MRPL19: variants seen among roughly 807,000 people sequenced by gnomAD.
The protein encoded by MRPL19 is mitochondrial ribosomal protein L19.
In MRPL19, 31 loss-of-function variants were observed where a neutral mutation model predicts 34.0. That is an observed-to-expected ratio of 0.91 (90% CI 0.68 to 1.23). MRPL19 has a LOEUF of 1.23. Ranked by LOEUF, MRPL19 falls within the 50% of genes most tolerant of loss-of-function variation. MRPL19 has a pLI of 0.00. For synonymous variants in MRPL19, 152 were observed against 127.7 expected, an observed-to-expected ratio of 1.19 and a Z score of -1.28; for missense variants, 384 against 367.6, an observed-to-expected ratio of 1.04 and a Z score of -0.37.
In MRPL19 at chr2:75,654,903, G is replaced by C. The variant is rs1678408276; in HGVS notation, c.643G>C (p.Val215Leu). Residue 215 changes from valine to leucine, a missense_variant, in exon 5 of 6, where the codon GTT (valine) becomes CTT (leucine). Transcript: ENST00000393909. ...KPVVQEPNQK[V>L]PVNELKVKMK... ...AGTAGTACAAGAGCCTAACCAAAAAGTTCCTGTTAATGAGGTATGGGTTAT... is the reference window on the plus strand; with the variant it reads ...AGTAGTACAAGAGCCTAACCAAAAACTTCCTGTTAATGAGGTATGGGTTAT... 1 of 1,613,050 alleles carries C rather than the reference G, an allele frequency of 6.2e-7. No homozygotes were observed. Among genetic ancestry groups the C allele is most frequent in the Non-Finnish European group, 8.5e-7 (1 of 1,179,588 alleles).
At chr2:75,647,076 C>A in intron 1 of MRPL19, 26 bp from the exon 2 acceptor site, 1 of 1,562,452 alleles carries the variant, frequency 6.4e-7, no homozygotes, top group Non-Finnish European at 8.7e-7. Context: ...CACGAGAGTT[C>A]TGACCTCCGT....
chr2:75,656,935 T>G lies in MRPL19; in HGVS notation c.*1650T>G, dbSNP rs1678468029. On this transcript the variant is annotated 3_prime_UTR_variant, in exon 6 of 6. Coordinates refer to ENST00000393909, the MANE Select transcript of MRPL19 (RefSeq NM_014763.4). ...CTCCCTTGACCCCAGTCTCTGTTTT[T>G]TAGCTCTTTAGCTCAATCTTCCAAC... is the stretch of plus-strand genomic sequence containing the variant. 6.6e-6 allele frequency: 1 copy of G among 152,166 alleles called. No individual in the cohort carries two copies. Among genetic ancestry groups the G allele is most frequent in the South Asian group, 2.1e-4 (1 of 4,834 alleles). 9.4% of individuals were successfully genotyped at this position (152,166 alleles called of 1,614,324 possible). A position where few individuals can be genotyped will look rare whatever the true frequency, so the allele number is the denominator to read the frequency against.
At chr2:75,654,694 C>T (rs755014459) in intron 4 of MRPL19, 42 bp from the exon 5 acceptor site, 55 of 1,583,010 alleles carry the variant, frequency 3.5e-5, no homozygotes, top group Non-Finnish European at 4.3e-5. Context: ...TGTATAGGAA[C>T]GTGGACTTAG....
At chr2:75,651,884 CA>C (rs1220130831) in intron 2 of MRPL19, 3 of 262,820 alleles carry the variant, frequency 1.1e-5, no homozygotes, top group Non-Finnish European at 2.2e-5. Context: ...GAGATGACAC[CA>C]AACCCACATG....
chr2:75,655,239 T>C lies in MRPL19; in HGVS notation c.833T>C (p.Ile278Thr), dbSNP rs1301279008. The C allele has an allele frequency of 1.2e-5, 20 of 1,613,330 alleles. No individual in the cohort carries two copies. In the East Asian group the frequency reaches 3.8e-4, roughly 31 times the overall value. ...ATGAGGGAATATGATACTTCAAAAA[T>C]TGAAGCTGCAATATGGAAGGAAATT... ...DMMREYDTSK[I>T]EAAIWKEIEA... The change falls in exon 6 of 6, where the codon ATT (isoleucine) becomes ACT (threonine). Residue 278 changes from isoleucine to threonine, a missense_variant. Coordinates refer to ENST00000393909, the MANE Select transcript of MRPL19 (RefSeq NM_014763.4).
rs1678572513 is a variant in MRPL19 at position 75,660,107 on chromosome 2, G to A, written c.*4822G>A. Among the ~76,000 whole-genome samples, 1 of 151,300 alleles carries A rather than the reference G, an allele frequency of 6.6e-6. No homozygotes were observed. The highest frequency in any genetic ancestry group is 1.5e-5 in the Non-Finnish European group (1 of 67,888). On this transcript the variant is annotated 3_prime_UTR_variant, in exon 6 of 6. Transcript: ENST00000393909. ...TCTTTTTATTTTTTTCAAGTTTGTT[G>A]ATTCTTCTCCCTGTTCAGATCAACT...
rs1224166598 is a variant in MRPL19 at position 75,656,237 on chromosome 2, A to G, written c.*952A>G. ...TATGAGTGTTGTTGCTGATCCATGC[A>G]GCATGGATTGGAAAGCTGGGGTATA... On this transcript the variant is annotated 3_prime_UTR_variant, in exon 6 of 6. Coordinates refer to ENST00000393909, the MANE Select transcript of MRPL19 (RefSeq NM_014763.4). 1.3e-5 allele frequency: 2 copies of G among 152,238 alleles called. No individual in the cohort carries two copies. The highest frequency in any genetic ancestry group is 4.8e-5 in the African/African-American group (2 of 41,450). 9.4% of individuals were successfully genotyped at this position (152,238 alleles called of 1,614,324 possible).
At chr2:75,649,098 C>T (rs1178398430) in intron 2 of MRPL19, among the ~76,000 whole-genome samples, 1 of 152,144 alleles carries the variant, frequency 6.6e-6, no homozygotes, top group Non-Finnish European at 1.5e-5. Context: ...TAACCTTAGT[C>T]TAGGCATGTG....
In MRPL19 at chr2:75,658,588, G is replaced by A. The variant is rs980546158; in HGVS notation, c.*3303G>A. On this transcript the variant is annotated 3_prime_UTR_variant, in exon 6 of 6. Transcript: ENST00000393909. ...ATTTCTTCTTCGATCCCCTGGTTGA[G>A]TGTGTTAATTTCTACATGTTTATGA... 6.6e-6 allele frequency among the ~76,000 whole-genome samples: 1 copy of A among 152,088 alleles called. No individual in the cohort carries two copies. Among genetic ancestry groups the A allele is most frequent in the Non-Finnish European group, 1.5e-5 (1 of 67,994 alleles).
chr2:75,647,210 C>A lies in MRPL19; in HGVS notation c.212C>A (p.Pro71Gln). The A allele has an allele frequency of 6.3e-7, 1 of 1,580,626 alleles. No individual in the cohort carries two copies. The highest frequency in any genetic ancestry group is 1.8e-5 in the Admixed American group (1 of 55,656). ...GTGGACAAGCACCGCCCCGTGGAAC[C>A]GGAACGCAGGTGAGGCACTGCCCTG... ...VIVDKHRPVEPERRFLSPEFI... is the reference protein window; with the variant it reads ...VIVDKHRPVEQERRFLSPEFI... The change falls in exon 2 of 6, where the codon CCG (proline) becomes CAG (glutamine). Residue 71 changes from proline to glutamine, a missense_variant. Transcript: ENST00000393909.
intron 4 of MRPL19, among the ~76,000 whole-genome samples, chr2:75,654,498 A>AT (rs996641150): frequency 1.3e-5 from 2 of 152,092 alleles, no homozygotes; most frequent in Admixed American, 6.5e-5. Context: ...TCTAGAAGCC[A>AT]TTTTTTTCTT....
rs548156468 is a variant in MRPL19, at chr2:75,656,278, G to C, written c.*993G>C. ...CTGGGGTATAAGCACACATGCTAAA[G>C]AAAAACATGTAATTTGGTCCATACT... On this transcript the variant is annotated 3_prime_UTR_variant, in exon 6 of 6. Coordinates refer to ENST00000393909, the MANE Select transcript of MRPL19 (RefSeq NM_014763.4). 1 of 152,232 alleles carries C rather than the reference G, an allele frequency of 6.6e-6. No homozygotes were observed. Among genetic ancestry groups the C allele is most frequent in the Admixed American group, 6.5e-5 (1 of 15,272 alleles). The allele number at this position is 152,232 out of a possible 1,614,324, so 9.4% of individuals were successfully genotyped here.
In MRPL19 at chr2:75,660,233, T is replaced by A. The variant is rs1678575851; in HGVS notation, c.*4948T>A. On this transcript the variant is annotated 3_prime_UTR_variant, in exon 6 of 6. Coordinates refer to ENST00000393909, the MANE Select transcript of MRPL19 (RefSeq NM_014763.4). Reference sequence around the variant, plus strand: ...AACGTCTGTGTCTTTATTGATATTCTCATTTTGTTCATATGTCTCTTTCTT... The same window carrying A: ...AACGTCTGTGTCTTTATTGATATTCACATTTTGTTCATATGTCTCTTTCTT... Among the ~76,000 whole-genome samples the A allele has an allele frequency of 6.6e-6, 1 of 152,204 alleles. No homozygotes were observed. Among genetic ancestry groups the A allele is most frequent in the Non-Finnish European group, 1.5e-5 (1 of 68,032 alleles).
At chr2:75,648,851 A>G (rs566310914) in intron 2 of MRPL19, among the ~76,000 whole-genome samples, 5 of 152,342 alleles carry the variant, frequency 3.3e-5, no homozygotes, top group East Asian at 1.9e-4. Flanking sequence ...CCTGGGCGAT[A>G]GAGCAAGACT....
At position 75,655,153 on chromosome 2, in the gene MRPL19, A is replaced by T; in HGVS notation, c.747A>T (p.Leu249Phe). ...NIKGIRFDLCLTEQQMKEAQK... is the reference protein window; with the variant it reads ...NIKGIRFDLCFTEQQMKEAQK... ...AAGGAATCAGATTTGATCTTTGTTT[A>T]ACTGAACAGCAAATGAAAGAAGCTC... Residue 249 changes from leucine (L) to phenylalanine (F), a missense_variant, in exon 6 of 6, where the codon TTA (leucine) becomes TTT (phenylalanine). Physicochemically the swap from Leu to Phe is conservative, Grantham distance 22. Coordinates refer to ENST00000393909, the MANE Select transcript of MRPL19 (RefSeq NM_014763.4). 6.2e-7 allele frequency: 1 copy of T among 1,612,666 alleles called. No homozygotes were observed. Among genetic ancestry groups the T allele is most frequent in the South Asian group, 1.1e-5 (1 of 91,050 alleles).
At chr2:75,649,255 C>T (rs1421405575) in intron 2 of MRPL19, among the ~76,000 whole-genome samples, 1 of 152,132 alleles carries the variant, frequency 6.6e-6, no homozygotes, top group Non-Finnish European at 1.5e-5. Context: ...TTGAATTGGG[C>T]AACGAATAGA....
At chr2:75,653,353 G>C (rs970812762) in intron 4 of MRPL19, among the ~76,000 whole-genome samples, 2 of 152,220 alleles carry the variant, frequency 1.3e-5, no homozygotes, top group African/African-American at 4.8e-5. Flanking sequence ...GGACTTAATT[G>C]ATTTGTGCCT....
At chr2:75,649,124 C>T (rs563029827) in intron 2 of MRPL19, among the ~76,000 whole-genome samples, 1 of 152,058 alleles carries the variant, frequency 6.6e-6, no homozygotes, top group African/African-American at 2.4e-5. Flanking sequence ...AATCCAGAAT[C>T]CAGAGATGAG....
chr2:75,647,185 G>A lies in MRPL19; in HGVS notation c.187G>A (p.Val63Met). Residue 63 changes from valine to methionine, a missense_variant, in exon 2 of 6, where the codon GTG becomes ATG. Val to Met is a conservative substitution (Grantham distance 21). Coordinates refer to ENST00000393909, the MANE Select transcript of MRPL19 (RefSeq NM_014763.4). ...CCAACCGCCGCCGAAACCGGTCATC[G>A]TGGACAAGCACCGCCCCGTGGAACC... is the stretch of plus-strand genomic sequence containing the variant. Reference protein sequence around the residue: ...AFQPPPKPVIVDKHRPVEPER... With the variant: ...AFQPPPKPVIMDKHRPVEPER... 5 of 1,581,218 alleles carry A rather than the reference G, an allele frequency of 3.2e-6. No individual in the cohort carries two copies. Among genetic ancestry groups the A allele is most frequent in the Non-Finnish European group, 4.3e-6 (5 of 1,163,202 alleles).
Sources: gnomAD v4.1 joint callset for allele counts (sites outside exome capture counted in the v4.1 genomes callset) on GRCh38, gnomAD v4.1.1 for gene constraint, MANE v1.5 for transcripts, NCBI Gene and HGNC (gene_info 2026-07-23, HGNC 2026-07-21) for gene names.